Variants in GNAQ observed in about 807,000 individuals in gnomAD.
GNAQ encodes the protein G protein subunit alpha q, also known as guanine nucleotide-binding protein G(q) subunit alpha.
GNAQ carries 8 observed loss-of-function variants against 43.9 expected under a neutral mutation model. The observed-to-expected ratio is 0.18, with a 90% CI of 0.11 to 0.33. The LOEUF is 0.33. Ranked by LOEUF, GNAQ falls within the 10% of genes least tolerant of loss-of-function variation. GNAQ has a pLI of 1.00. For synonymous variants in GNAQ, 155 were observed against 170.7 expected (o/e 0.91, Z 0.71); for missense variants, 158 against 450.8 (o/e 0.35, Z 5.88).
chr9:77,830,170 C>T (rs1476464629), intron 2 of GNAQ, among the ~76,000 whole-genome samples: 4 of 152,006 alleles, frequency 2.6e-5, no homozygotes, highest in Non-Finnish European at 5.9e-5. Flanking sequence ...CCAGGCTGGT[C>T]GTGAATTCCC....
At chr9:77,786,149 G>A (rs560635579) in intron 5 of GNAQ, among the ~76,000 whole-genome samples, 223 of 152,024 alleles carry the variant, frequency 1.5e-3, no homozygotes, top group African/African-American at 5.1e-3. Context: ...AGGCTGAGGC[G>A]GGCAGATCGC....
chr9:77,809,893 C>T (rs1021150488), intron 3 of GNAQ, among the ~76,000 whole-genome samples: 2 of 152,106 alleles, frequency 1.3e-5, no homozygotes, highest in African/African-American at 4.8e-5. Flanking sequence ...TAGGTTAAAA[C>T]AAAGAAATAA....
intron 1 of GNAQ, chr9:78,030,730 C>T: frequency 5.4e-6 from 2 of 370,202 alleles, no homozygotes; most frequent in Non-Finnish European, 1.1e-5. Context: ...GAAGTTCAAC[C>T]CCTCTGCCCA....
intron 1 of GNAQ, among the ~76,000 whole-genome samples, chr9:77,987,275 A>G (rs1229437350): frequency 6.6e-6 from 1 of 152,152 alleles, no homozygotes; most frequent in East Asian, 1.9e-4. Context: ...CTGCAGAGTC[A>G]TTGGCACATG....
At chr9:77,881,918 A>C (rs1443821216) in intron 2 of GNAQ, among the ~76,000 whole-genome samples, 1 of 152,086 alleles carries the variant, frequency 6.6e-6, no homozygotes, top group Non-Finnish European at 1.5e-5. Flanking sequence ...CAGGCGGATC[A>C]CTTGAGGTCA....
intron 2 of GNAQ, among the ~76,000 whole-genome samples, chr9:77,870,324 GTTTTTTTTTTT>G (rs781464413): frequency 4.5e-5 from 5 of 111,112 alleles, no homozygotes; most frequent in Admixed American, 3.0e-4. Flanking sequence ...TTTGGTGCTA[GTTTTTTTTTTT>G]TTTTTTTTTT....
intron 5 of GNAQ, among the ~76,000 whole-genome samples, chr9:77,732,776 C>T (rs1342397870): frequency 6.6e-6 from 1 of 152,184 alleles, no homozygotes; most frequent in Non-Finnish European, 1.5e-5. Flanking sequence ...TGTCCTCACC[C>T]ACCACTTCTC....
At chr9:77,859,569 C>T (rs1366081734) in intron 2 of GNAQ, among the ~76,000 whole-genome samples, 2 of 152,080 alleles carry the variant, frequency 1.3e-5, no homozygotes, top group East Asian at 1.9e-4. Flanking sequence ...AAAGAAACAA[C>T]GGTTGCCTTT....
chr9:77,803,796 G>A (rs1826784799), intron 3 of GNAQ, among the ~76,000 whole-genome samples: 1 of 152,150 alleles, frequency 6.6e-6, no homozygotes, highest in Admixed American at 6.5e-5. Context: ...CTAGCCCTTG[G>A]TGATAATCCT....
At chr9:77,875,449 G>T (rs1218574045) in intron 2 of GNAQ, among the ~76,000 whole-genome samples, 1 of 152,180 alleles carries the variant, frequency 6.6e-6, no homozygotes, top group Non-Finnish European at 1.5e-5. Flanking sequence ...CTATTAGGTT[G>T]AAAGCCTGGG....
At chr9:78,026,704 G>T (rs1823984731) in intron 1 of GNAQ, among the ~76,000 whole-genome samples, 1 of 152,096 alleles carries the variant, frequency 6.6e-6, no homozygotes, top group Non-Finnish European at 1.5e-5. Flanking sequence ...AGTGGGAAGC[G>T]TGCTCTTTTC....
intron 2 of GNAQ, among the ~76,000 whole-genome samples, chr9:77,863,216 A>AAGGG (rs748887788): frequency 2.7e-5 from 4 of 148,976 alleles, no homozygotes; most frequent in African/African-American, 1.0e-4. Flanking sequence ...GGAAGGAAGG[A>AAGGG]AGGGAGGAAG....
Position 77,723,361 on chromosome 9 carries a change from A to G in GNAQ, c.890-1848T>C, listed in dbSNP as rs1005575193. Among the ~76,000 whole-genome samples, 5 of 152,334 alleles carry G rather than the reference A, an allele frequency of 3.3e-5. No homozygotes were observed. In the South Asian group the frequency reaches 1.0e-3, roughly 32 times the overall value. On this transcript the variant is annotated intron_variant, in intron 6 of 6. Coordinates refer to ENST00000286548, the MANE Select transcript of GNAQ (RefSeq NM_002072.5). ...TCAAAAAGCTAAACATAGAATAACC[A>G]TATGACCGACCCTGCTAGTCTACTC...
intron 3 of GNAQ, among the ~76,000 whole-genome samples, chr9:77,808,869 A>AAC (rs1564116859): frequency 6.6e-6 from 1 of 151,676 alleles, no homozygotes; most frequent in Admixed American, 6.6e-5. Flanking sequence ...TAAACTTAAA[A>AAC]AAAACAAAAC....
At chr9:77,877,789 C>G (rs1278887180) in intron 2 of GNAQ, among the ~76,000 whole-genome samples, 6 of 152,142 alleles carry the variant, frequency 3.9e-5, no homozygotes, top group Admixed American at 3.3e-4. Flanking sequence ...GCAAACAACG[C>G]AGACCCATCT....
intron 2 of GNAQ, among the ~76,000 whole-genome samples, chr9:77,855,219 G>A (rs896408632): frequency 1.3e-5 from 2 of 152,088 alleles, no homozygotes; most frequent in Non-Finnish European, 2.9e-5. Context: ...CATGAAAATT[G>A]GTGTAATGCA....
chr9:78,000,935 CA>C (rs747892516), intron 1 of GNAQ, among the ~76,000 whole-genome samples: 1 of 152,110 alleles, frequency 6.6e-6, no homozygotes, highest in Non-Finnish European at 1.5e-5. Context: ...ACAATAAACA[CA>C]AGATTAAAAA....
intron 2 of GNAQ, among the ~76,000 whole-genome samples, chr9:77,865,701 A>G (rs1378747870): frequency 6.6e-6 from 1 of 152,154 alleles, no homozygotes; most frequent in African/African-American, 2.4e-5. Flanking sequence ...TGGCAAGTCA[A>G]TCCTTTCTCT....
chr9:77,930,866 T>G (rs1173359234), intron 1 of GNAQ, among the ~76,000 whole-genome samples: 1 of 152,062 alleles, frequency 6.6e-6, no homozygotes, highest in Non-Finnish European at 1.5e-5. Flanking sequence ...ACTGGACTGT[T>G]AGGAACCGGG....
Sources: gnomAD v4.1 joint callset for allele counts (sites outside exome capture counted in the v4.1 genomes callset) on GRCh38, gnomAD v4.1.1 for gene constraint, MANE v1.5 for transcripts, NCBI Gene and HGNC (gene_info 2026-07-23, HGNC 2026-07-21) for gene names.